The following EXOC4 variants were observed in gnomAD, a reference collection of about 807,000 sequenced individuals.
The protein encoded by EXOC4 is exocyst complex component 4.
EXOC4 carries 71 observed loss-of-function variants against 107.2 expected under a neutral mutation model. The ratio of observed to expected loss-of-function variants is 0.66; its 90% CI spans 0.55 to 0.81. The LOEUF is 0.81. EXOC4 is among the 30% of genes least tolerant of loss of function. The probability of loss-of-function intolerance (pLI) is 0.00; values close to 1 mark genes in which losing one functional copy is unlikely to be tolerated. For missense variants in EXOC4, 1,108 were observed against 1,189.6 expected, an observed-to-expected ratio of 0.93 and a Z score of 1.01; for synonymous variants, 456 against 441.2, an observed-to-expected ratio of 1.03 and a Z score of -0.42.
chr7:133,544,567 T>C (rs562077069), intron 9 of EXOC4, among the ~76,000 whole-genome samples: 1 of 152,252 alleles, frequency 6.6e-6, no homozygotes, highest in East Asian at 1.9e-4. Context: ...CCTAACAGTG[T>C]CAAATGCCTT....
At chr7:133,780,355 A>T (rs947269450) in intron 10 of EXOC4, among the ~76,000 whole-genome samples, 8 of 151,620 alleles carry the variant, frequency 5.3e-5, no homozygotes, top group African/African-American at 1.9e-4. Context: ...TTACCAAGTT[A>T]ATATGAGGCT....
downstream of EXOC4, among the ~76,000 whole-genome samples, chr7:134,071,274 T>G (rs969893183): frequency 1.3e-5 from 2 of 152,178 alleles, no homozygotes; most frequent in Non-Finnish European, 2.9e-5. Flanking sequence ...CAGAGTTCAT[T>G]CTGGAACCGT....
chr7:133,791,618 A>G (rs1372230184), intron 10 of EXOC4, among the ~76,000 whole-genome samples: 2 of 152,236 alleles, frequency 1.3e-5, no homozygotes, highest in African/African-American at 2.4e-5. Context: ...CAAAATGTCC[A>G]TGAGAGCAAA....
intron 3 of EXOC4, among the ~76,000 whole-genome samples, chr7:133,293,981 AGTCT>A: frequency 6.6e-6 from 1 of 152,340 alleles, no homozygotes; most frequent in Middle Eastern, 3.4e-3. Flanking sequence ...ACATTTCTGC[AGTCT>A]GTCCTTTGTA....
chr7:133,314,309 T>A (rs1399693817), intron 4 of EXOC4, among the ~76,000 whole-genome samples: 1 of 152,152 alleles, frequency 6.6e-6, no homozygotes, highest in African/African-American at 2.4e-5. Flanking sequence ...TGAGACTAAG[T>A]CCTTTCATAA....
At chr7:133,421,798 T>C (rs1031210684) in intron 7 of EXOC4, among the ~76,000 whole-genome samples, 4 of 152,192 alleles carry the variant, frequency 2.6e-5, no homozygotes, top group East Asian at 1.9e-4. Flanking sequence ...CATTCATTTT[T>C]CCCCCAATGC....
intron 4 of EXOC4, among the ~76,000 whole-genome samples, chr7:133,308,142 CA>C (rs1221052005): frequency 6.6e-6 from 1 of 151,952 alleles, no homozygotes; most frequent in Non-Finnish European, 1.5e-5. Flanking sequence ...GACAAGATGC[CA>C]AAAGGAAGAG....
chr7:133,715,002 T>A (rs942878219), intron 10 of EXOC4, among the ~76,000 whole-genome samples: 1 of 152,164 alleles, frequency 6.6e-6, no homozygotes. Flanking sequence ...CCTGATTCCA[T>A]TAATATTTCT....
chr7:133,985,607 G>C (rs943249965), intron 14 of EXOC4, among the ~76,000 whole-genome samples: 1 of 152,080 alleles, frequency 6.6e-6, no homozygotes, highest in African/African-American at 2.4e-5. Flanking sequence ...TGTCTTTCTC[G>C]TAAGACTCTT....
chr7:133,961,524 G>T (rs768322458), intron 14 of EXOC4, among the ~76,000 whole-genome samples: 1 of 152,046 alleles, frequency 6.6e-6, no homozygotes, highest in Non-Finnish European at 1.5e-5. Context: ...CTGACCTCAG[G>T]TGATCCACCG....
chr7:133,371,279 A>G (rs1796370916), intron 6 of EXOC4, among the ~76,000 whole-genome samples: 1 of 152,138 alleles, frequency 6.6e-6, no homozygotes, highest in African/African-American at 2.4e-5. Flanking sequence ...TCACCTATTG[A>G]AAGTATACAA....
chr7:133,831,192 T>C (rs1563018313), intron 11 of EXOC4, among the ~76,000 whole-genome samples: 5 of 152,154 alleles, frequency 3.3e-5, no homozygotes, highest in Non-Finnish European at 7.3e-5. Flanking sequence ...CTCGAACCCC[T>C]GACTTCGTGA....
chr7:133,256,089 CT>C (rs1795011696), intron 1 of EXOC4, among the ~76,000 whole-genome samples: 1 of 151,906 alleles, frequency 6.6e-6, no homozygotes, highest in Admixed American at 6.6e-5. Flanking sequence ...TCACACCATT[CT>C]CCTGCCTCAA....
intron 9 of EXOC4, among the ~76,000 whole-genome samples, chr7:133,582,033 AC>A (rs1471377990): frequency 3.3e-5 from 5 of 151,876 alleles, no homozygotes; most frequent in South Asian, 2.1e-4. Context: ...TGATTTAATC[AC>A]CCCCTACCAG....
At chr7:133,808,970 A>C (rs958570890) in intron 10 of EXOC4, among the ~76,000 whole-genome samples, 1 of 147,446 alleles carries the variant, frequency 6.8e-6, no homozygotes, top group Admixed American at 6.7e-5. Context: ...TTTCATTCTC[A>C]TTCTGGGTCC....
chr7:133,917,145 G>T (rs1037684350), intron 12 of EXOC4, among the ~76,000 whole-genome samples: 1 of 152,176 alleles, frequency 6.6e-6, no homozygotes, highest in African/African-American at 2.4e-5. Flanking sequence ...CTAATTGATA[G>T]TTTAAACCAA....
intron 10 of EXOC4, among the ~76,000 whole-genome samples, chr7:133,772,539 A>C (rs1488849628): frequency 3.9e-5 from 5 of 129,008 alleles, no homozygotes; most frequent in African/African-American, 1.4e-4. Flanking sequence ...AAAAAAAAAA[A>C]ACCTTAAATT....
chr7:133,336,709 ATTTTATTTTATTTTATTTAT>A (rs1379085984), intron 5 of EXOC4, among the ~76,000 whole-genome samples: 57 of 53,340 alleles, frequency 1.1e-3, no homozygotes, highest in Non-Finnish European at 1.8e-3. Context: ...ATTTTATTTT[ATTTTATTTTATTTTATTTAT>A]TTTATTTTAT....
At chr7:133,859,667 T>C (rs769864582) in intron 11 of EXOC4, among the ~76,000 whole-genome samples, 13 of 152,204 alleles carry the variant, frequency 8.5e-5, no homozygotes, top group Non-Finnish European at 1.3e-4. Context: ...GGTTGGTTGG[T>C]TGATTGGTTT....
Sources: allele counts gnomAD v4.1 joint callset (sites outside exome capture counted in the v4.1 genomes callset), GRCh38; gene constraint gnomAD v4.1.1; transcripts MANE v1.5; gene names NCBI Gene and HGNC (gene_info 2026-07-23, HGNC 2026-07-21).